The following STYK1 variants were observed in gnomAD, a reference collection of about 807,000 sequenced individuals.
STYK1 encodes the protein tyrosine-protein kinase STYK1.
In STYK1, 46 loss-of-function variants were observed where a neutral mutation model predicts 48.1. That is an observed-to-expected ratio of 0.96 (90% CI 0.75 to 1.22). STYK1 has a LOEUF of 1.22. STYK1 is among the 50% of genes most tolerant of loss of function. The pLI, the probability that STYK1 is intolerant of heterozygous loss-of-function variation, is 0.00. For synonymous variants in STYK1, 188 were observed against 189.0 expected (o/e 0.99, Z 0.04); for missense variants, 527 against 521.1 (o/e 1.01, Z -0.11).
At chr12:10,641,616 T>C (rs1305801737) in intron 1 of STYK1, among the ~76,000 whole-genome samples, 1 of 152,224 alleles carries the variant, frequency 6.6e-6, no homozygotes, top group East Asian at 1.9e-4. Flanking sequence ...GGCAGAGAGA[T>C]GTGGACATGA....
At chr12:10,642,184 T>G (rs1947552700) in intron 1 of STYK1, among the ~76,000 whole-genome samples, 1 of 152,200 alleles carries the variant, frequency 6.6e-6, no homozygotes, top group Non-Finnish European at 1.5e-5. Flanking sequence ...CTTCCTTTCA[T>G]CCACATCTTC....
At chr12:10,649,968 G>A (rs1234875323) in intron 1 of STYK1, among the ~76,000 whole-genome samples, 3 of 151,740 alleles carry the variant, frequency 2.0e-5, no homozygotes, top group East Asian at 1.9e-4. Context: ...AAAAAAATTA[G>A]CCAGGCGTGG....
intron 1 of STYK1, among the ~76,000 whole-genome samples, chr12:10,652,061 A>C (rs1384529046): frequency 6.6e-6 from 1 of 152,206 alleles, no homozygotes. Flanking sequence ...AATCAGAATC[A>C]GACTCTGGGA....
chr12:10,645,950 T>C (rs1947594087), intron 1 of STYK1, among the ~76,000 whole-genome samples: 1 of 152,236 alleles, frequency 6.6e-6, no homozygotes, highest in African/African-American at 2.4e-5. Context: ...ACCATCCACG[T>C]AAGATGTGAC....
intron 1 of STYK1, among the ~76,000 whole-genome samples, chr12:10,655,428 G>A (rs1487818619): frequency 6.6e-6 from 1 of 152,210 alleles, no homozygotes; most frequent in African/African-American, 2.4e-5. Flanking sequence ...TTTCTGAGAA[G>A]GCAATGGAAA....
intron 1 of STYK1, among the ~76,000 whole-genome samples, chr12:10,669,604 A>C (rs144679063): frequency 1.3e-5 from 2 of 152,170 alleles, no homozygotes; most frequent in African/African-American, 4.8e-5. Flanking sequence ...CCAAAAGCAC[A>C]GGCAACAAAA....
At chr12:10,641,334 C>T (rs1278393197) in intron 1 of STYK1, among the ~76,000 whole-genome samples, 1 of 152,234 alleles carries the variant, frequency 6.6e-6, no homozygotes, top group African/African-American at 2.4e-5. Flanking sequence ...TTCCAAGGAT[C>T]AGTCCTCTTC....
chr12:10,642,767 T>G (rs1050686845), intron 1 of STYK1, among the ~76,000 whole-genome samples: 16 of 152,338 alleles, frequency 1.1e-4, no homozygotes, highest in African/African-American at 3.6e-4. Context: ...ATATCTGAAT[T>G]TAACAATCAT....
Position 10,622,624 on chromosome 12 carries a change from G to A in STYK1, c.967+14C>T. 6.2e-7 allele frequency: 1 copy of A among 1,613,782 alleles called. No individual in the cohort carries two copies. ...TTGCATACAGGTACACACTATTTTG[G>A]GGCTCATCCTTACCTAGAGTCACCA... On this transcript the variant is annotated intron_variant, in intron 9 of 10. Coordinates refer to ENST00000075503, the MANE Select transcript of STYK1 (RefSeq NM_018423.3).
chr12:10,671,205 A>C (rs550956408), intron 1 of STYK1, among the ~76,000 whole-genome samples: 4 of 152,070 alleles, frequency 2.6e-5, no homozygotes, highest in African/African-American at 9.7e-5. Context: ...TTTGTTAGCC[A>C]GGATGGTCTC....
chr12:10,628,003 T>G (rs776325621), intron 6 of STYK1, among the ~76,000 whole-genome samples: 3 of 152,240 alleles, frequency 2.0e-5, no homozygotes, highest in Non-Finnish European at 4.4e-5. Flanking sequence ...TCTAGGGCTC[T>G]GTGTGTGTGC....
intron 1 of STYK1, among the ~76,000 whole-genome samples, chr12:10,658,645 C>T (rs1009653332): frequency 6.6e-6 from 1 of 152,000 alleles, no homozygotes; most frequent in East Asian, 1.9e-4. Context: ...ATTAGGTCCC[C>T]TAAAGTCCAG....
intron 1 of STYK1, among the ~76,000 whole-genome samples, chr12:10,667,059 T>C (rs1016195346): frequency 6.6e-6 from 1 of 152,236 alleles, no homozygotes; most frequent in African/African-American, 2.4e-5. Flanking sequence ...ATTATATACA[T>C]AATTTTAATT....
At chr12:10,653,055 T>C (rs1434926264) in intron 1 of STYK1, among the ~76,000 whole-genome samples, 2 of 152,098 alleles carry the variant, frequency 1.3e-5, no homozygotes, top group Non-Finnish European at 2.9e-5. Context: ...CTTTGGCAAG[T>C]CAATTAACAT....
At chr12:10,673,332 G>A (rs1048507553) in intron 1 of STYK1, among the ~76,000 whole-genome samples, 8 of 151,928 alleles carry the variant, frequency 5.3e-5, no homozygotes, top group South Asian at 2.1e-4. Flanking sequence ...AACCGAGATC[G>A]CGCCATTGCA....
At chr12:10,651,350 G>A (rs1202264323) in intron 1 of STYK1, among the ~76,000 whole-genome samples, 7 of 152,080 alleles carry the variant, frequency 4.6e-5, no homozygotes, top group Non-Finnish European at 1.0e-4. Flanking sequence ...AGCCCAGCCC[G>A]TTTCTGAAAT....
At chr12:10,651,346 G>A (rs1267499183) in intron 1 of STYK1, among the ~76,000 whole-genome samples, 2 of 152,072 alleles carry the variant, frequency 1.3e-5, no homozygotes, top group Non-Finnish European at 2.9e-5. Context: ...GCATAGCCCA[G>A]CCCGTTTCTG....
intron 1 of STYK1, among the ~76,000 whole-genome samples, chr12:10,673,219 A>G (rs1354962745): frequency 6.6e-6 from 1 of 152,190 alleles, no homozygotes; most frequent in Non-Finnish European, 1.5e-5. Flanking sequence ...TAAAAATACA[A>G]AAAAATAAAT....
chr12:10,661,832 C>T (rs1177431137), intron 1 of STYK1, among the ~76,000 whole-genome samples: 1 of 123,956 alleles, frequency 8.1e-6, no homozygotes, highest in Non-Finnish European at 1.7e-5. Flanking sequence ...TTAGAATTAC[C>T]TTTAATATTA....
Sources: gnomAD v4.1 joint callset for allele counts (sites outside exome capture counted in the v4.1 genomes callset) on GRCh38, gnomAD v4.1.1 for gene constraint, MANE v1.5 for transcripts, NCBI Gene and HGNC (gene_info 2026-07-23, HGNC 2026-07-21) for gene names.